The following EFCC1 variants were observed in gnomAD, a reference collection of about 807,000 sequenced individuals.
The protein encoded by EFCC1 is EF-hand and coiled-coil domain containing 1, also known as EF-hand and coiled-coil domain-containing protein 1.
EFCC1 carries 50 observed loss-of-function variants against 52.1 expected under a neutral mutation model. The observed-to-expected ratio is 0.96, with a 90% CI of 0.76 to 1.21. The LOEUF is 1.21. Ranked by LOEUF, EFCC1 falls within the 50% of genes most tolerant of loss-of-function variation. The pLI, the probability that EFCC1 is intolerant of heterozygous loss-of-function variation, is 0.00. For missense variants in EFCC1, 837 were observed against 867.3 expected (o/e 0.97, Z 0.44); for synonymous variants, 399 against 396.5 (o/e 1.01, Z -0.08).
intron 2 of EFCC1, among the ~76,000 whole-genome samples, chr3:129,018,994 C>G (rs928636263): frequency 2.0e-5 from 3 of 152,234 alleles, no homozygotes; most frequent in African/African-American, 7.2e-5. Context: ...GCCTGCCACT[C>G]CAGATGACAC....
chr3:129,028,061 A>ATATT (rs1946176945), intron 2 of EFCC1, among the ~76,000 whole-genome samples: 1 of 151,974 alleles, frequency 6.6e-6, no homozygotes, highest in South Asian at 2.1e-4. Flanking sequence ...AGACCAGGTA[A>ATATT]TATTTTCAGC....
At chr3:129,005,356 G>A (rs1434867071) in intron 2 of EFCC1, among the ~76,000 whole-genome samples, 3 of 152,254 alleles carry the variant, frequency 2.0e-5, no homozygotes, top group Non-Finnish European at 2.9e-5. Flanking sequence ...AACAGTACGG[G>A]CAAAGCCCTA....
At position 129,037,035 on chromosome 3, in the gene EFCC1, T is replaced by C. The variant is rs756959660; in HGVS notation, c.1511T>C (p.Val504Ala). 6.8e-6 allele frequency: 11 copies of C among 1,613,660 alleles called. No homozygotes were observed. The highest frequency in any genetic ancestry group is 8.5e-6 in the Non-Finnish European group (10 of 1,179,966). ...CACCTGAGGCTGGAGCTGCAGATGG[T>C]AGAGACCGAGAGGGTGCGGCTGTCC... The part of the protein sequence containing the change: ...NEHLRLELQM[V>A]ETERVRLSLL... Residue 504 changes from valine (V) to alanine (A), a missense_variant, in exon 6 of 8, where the codon GTA (valine) becomes GCA (alanine). Physicochemically the swap from Val to Ala is moderately conservative, Grantham distance 64. Transcript: ENST00000683648.
chr3:129,030,989 G>A, intron 3 of EFCC1, 129 bp downstream of exon 3: 2 of 1,266,220 alleles, frequency 1.6e-6, no homozygotes, highest in Non-Finnish European at 2.1e-6. Context: ...CTCCCACCAG[G>A]TGCTCAGGCT....
rs1435101508 is a variant in EFCC1 at position 129,001,645 on chromosome 3, C to CGGGCGCGGAGGCCGGCATGGA, written c.26_46dup (p.Glu9_Ala15dup). 2 of 1,386,524 alleles carry CGGGCGCGGAGGCCGGCATGGA rather than the reference C, an allele frequency of 1.4e-6. No homozygotes were observed. Among genetic ancestry groups the CGGGCGCGGAGGCCGGCATGGA allele is most frequent in the Non-Finnish European group, 1.9e-6 (2 of 1,074,228 alleles). The allele number at this position is 1,386,524 out of a possible 1,614,324, so 85.9% of individuals were successfully genotyped here. A position where few individuals can be genotyped will look rare whatever the true frequency, so the allele number is the denominator to read the frequency against. Reference sequence around the variant, plus strand: ...GGCGCAGCGATGGAGCCGGTCAGCACGGGCGCGGAGGCCGGCATGGAGGGC... The same window carrying CGGGCGCGGAGGCCGGCATGGA: ...GGCGCAGCGATGGAGCCGGTCAGCACGGGCGCGGAGGCCGGCATGGAGGGCGCGGAGGCCGGCATGGAGGGC... On this transcript the variant is annotated inframe_insertion, in exon 1 of 8. Transcript: ENST00000683648.
intron 1 of EFCC1, chr3:129,002,530 C>G: frequency 1.9e-6 from 2 of 1,035,390 alleles, no homozygotes; most frequent in Admixed American, 4.0e-5. Flanking sequence ...TTCTTACCAC[C>G]TATTCCATTC....
rs375263336 is a variant in EFCC1 at position 129,033,781 on chromosome 3, G to A, written c.1287-383G>A. ...GGGGTCACACAGGGACAGGGACAGA[G>A]GCGGGGCAGGGAGATGCAGGGAAGG... On this transcript the variant is annotated intron_variant, in intron 4 of 7. Transcript: ENST00000683648. 1.7e-4 allele frequency among the ~76,000 whole-genome samples: 26 copies of A among 152,330 alleles called. 1 individual carries two copies. The highest frequency in any genetic ancestry group is 1.3e-3 in the East Asian group (7 of 5,192).
chr3:129,033,397 G>C (rs996790766), intron 4 of EFCC1, among the ~76,000 whole-genome samples: 1 of 152,126 alleles, frequency 6.6e-6, no homozygotes, highest in African/African-American at 2.4e-5. Flanking sequence ...GGACACCTGG[G>C]ACACCTCAGA....
At chr3:129,021,569 C>T (rs745482987) in intron 2 of EFCC1, among the ~76,000 whole-genome samples, 4 of 152,092 alleles carry the variant, frequency 2.6e-5, no homozygotes, top group South Asian at 2.1e-4. Context: ...ATTGAAACTC[C>T]GTCTCAAAAA....
intron 2 of EFCC1, among the ~76,000 whole-genome samples, chr3:129,017,657 CTTCACAT>C (rs1945649031): frequency 1.3e-5 from 2 of 152,212 alleles, no homozygotes; most frequent in Admixed American, 6.5e-5. Flanking sequence ...CCTTCTCACA[CTTCACAT>C]CTCTCTCACA....
rs540750897 is a variant in EFCC1 at position 129,017,481 on chromosome 3, G to T, written c.981-13222G>T. On this transcript the variant is annotated intron_variant, in intron 2 of 7. Coordinates refer to ENST00000683648, the MANE Select transcript of EFCC1 (RefSeq NM_001377500.1). ...GCCGAAAGCAAGGCACCCTTGGCCG[G>T]GTCTGGACCCCCTGGGAAAGCCCGT... is the stretch of plus-strand genomic sequence containing the variant. Among the ~76,000 whole-genome samples the T allele has an allele frequency of 2.4e-3, 371 of 152,348 alleles. 3 individuals are homozygous for T. Among genetic ancestry groups the T allele is most frequent in the African/African-American group, 8.6e-3 (359 of 41,588 alleles).
chr3:129,004,142 G>C (rs970388865), intron 2 of EFCC1, 65 bp downstream of exon 2: 1 of 1,391,096 alleles, frequency 7.2e-7, no homozygotes, highest in Non-Finnish European at 9.3e-7. Context: ...CCAAACTTCG[G>C]GTGTGCAATC....
At position 129,001,399 on chromosome 3, in the gene EFCC1, C is replaced by T. The variant is rs1311860947; in HGVS notation, c.-230C>T. Among the ~76,000 whole-genome samples the T allele has an allele frequency of 3.9e-5, 6 of 152,230 alleles. No individual in the cohort carries two copies. The highest frequency in any genetic ancestry group is 3.9e-4 in the Admixed American group (6 of 15,288). ...GCCGACCGGGCACTGGTGGCGCTGC[C>T]GGGGTCCCGGGGGTTCCTGGACCCC... On this transcript the variant is annotated 5_prime_UTR_variant, in exon 1 of 8. Transcript: ENST00000683648.
chr3:129,030,749 C>T lies in EFCC1; in HGVS notation c.1027C>T (p.Pro343Ser), dbSNP rs1279358843. The T allele has an allele frequency of 6.4e-7, 1 of 1,551,628 alleles. No individual in the cohort carries two copies. The highest frequency in any genetic ancestry group is 8.7e-7 in the Non-Finnish European group (1 of 1,146,976). ...AACCCCGCAGCTAGCCAACCCAGAG[C>T]CAGGAGACAAGAGTAATGAACCTGA... ...LPTPQLANPE[P>S]GDKSNEPEDA... Residue 343 changes from proline (P) to serine (S), a missense_variant, in exon 3 of 8, where the codon CCA (proline) becomes TCA (serine). Pro to Ser is a moderately conservative substitution (Grantham distance 74). Transcript: ENST00000683648.
intron 2 of EFCC1, among the ~76,000 whole-genome samples, chr3:129,013,115 AGGGGTAG>A (rs1559961430): frequency 6.6e-6 from 1 of 152,180 alleles, no homozygotes; most frequent in African/African-American, 2.4e-5. Flanking sequence ...GGCCTAAGTC[AGGGGTAG>A]TATACATGGT....
At chr3:129,019,987 T>C (rs1445491562) in intron 2 of EFCC1, among the ~76,000 whole-genome samples, 1 of 152,062 alleles carries the variant, frequency 6.6e-6, no homozygotes, top group African/African-American at 2.4e-5. Flanking sequence ...CAGGCTGGTC[T>C]CGAACTCCTG....
At chr3:129,028,275 G>C (rs1418383562) in intron 2 of EFCC1, among the ~76,000 whole-genome samples, 2 of 151,764 alleles carry the variant, frequency 1.3e-5, no homozygotes, top group African/African-American at 4.8e-5. Flanking sequence ...GTAGAGATGT[G>C]GTGTCACCAT....
At chr3:129,008,014 C>T (rs548092105) in intron 2 of EFCC1, among the ~76,000 whole-genome samples, 13 of 152,318 alleles carry the variant, frequency 8.5e-5, no homozygotes, top group South Asian at 2.1e-4. Context: ...GGCTGTGAGC[C>T]GTCTTTGGCA....
At chr3:129,028,622 T>C (rs980945759) in intron 2 of EFCC1, among the ~76,000 whole-genome samples, 1 of 151,880 alleles carries the variant, frequency 6.6e-6, no homozygotes. Flanking sequence ...TCTCAGGCCT[T>C]TGTTGGCTTT....
Sources: allele counts gnomAD v4.1 joint callset (sites outside exome capture counted in the v4.1 genomes callset), GRCh38; gene constraint gnomAD v4.1.1; transcripts MANE v1.5; gene names NCBI Gene and HGNC (gene_info 2026-07-23, HGNC 2026-07-21).